SAMD12: variants seen among roughly 807,000 people sequenced by gnomAD.
The protein encoded by SAMD12 is sterile alpha motif domain-containing protein 12.
Under a neutral mutation model 15.0 loss-of-function variants are expected in SAMD12, and 9 were observed. The ratio of observed to expected loss-of-function variants is 0.60; its 90% CI spans 0.36 to 1.05. SAMD12 has a LOEUF of 1.05. Among genes scored for constraint, SAMD12 ranks in the 50% least tolerant of loss-of-function variants. SAMD12 has a pLI of 0.01. For missense variants in SAMD12, 230 were observed against 234.2 expected (o/e 0.98, Z 0.12); for synonymous variants, 86 against 90.1 (o/e 0.96, Z 0.25).
chr8:118,389,933 T>A (rs973475572), intron 3 of SAMD12, among the ~76,000 whole-genome samples: 1 of 152,138 alleles, frequency 6.6e-6, no homozygotes, highest in African/African-American at 2.4e-5. Flanking sequence ...CCAAACAAAT[T>A]ACGTATATAT....
At chr8:118,160,476 C>T in the SAMD12 span, among the ~76,000 whole-genome samples, 2 of 152,116 alleles carry the variant, frequency 1.3e-5, no homozygotes, top group Admixed American at 6.5e-5. Context: ...CAGTGTCATA[C>T]TTAGGTTAAT....
chr8:118,211,618 C>G (rs112202413), intron 4 of SAMD12, among the ~76,000 whole-genome samples: 82 of 152,276 alleles, frequency 5.4e-4, no homozygotes, highest in African/African-American at 1.9e-3. Flanking sequence ...TAAATTATTC[C>G]CATTTCAGAG....
rs1309801786 is a variant in SAMD12 at position 118,550,693 on chromosome 8, G to A, written c.192+30022C>T. The stretch of plus-strand genomic sequence containing the variant: ...ACACATAACAATATTAACTTTAAAT[G>A]TAAATGGACTAAATGCTCCAATTAA... On this transcript the variant is annotated intron_variant, in intron 2 of 3. Coordinates refer to ENST00000314727, the MANE Select transcript of SAMD12 (RefSeq NM_207506.3). Among the ~76,000 whole-genome samples the A allele has an allele frequency of 4.6e-5, 7 of 151,864 alleles. No homozygotes were observed. In the South Asian group the frequency reaches 6.3e-4, roughly 14 times the overall value.
At chr8:118,587,654 T>A (rs1385151367) in intron 1 of SAMD12, among the ~76,000 whole-genome samples, 1 of 152,204 alleles carries the variant, frequency 6.6e-6, no homozygotes, top group South Asian at 2.1e-4. Flanking sequence ...TATCTAGAAC[T>A]GCTACAGTAC....
At chr8:118,198,546 G>A (rs1423430807) in intron 4 of SAMD12, among the ~76,000 whole-genome samples, 2 of 152,132 alleles carry the variant, frequency 1.3e-5, no homozygotes, top group Non-Finnish European at 2.9e-5. Context: ...GAGAAGCACA[G>A]CAGGTATTCT....
chr8:118,418,525 T>A (rs982169960), intron 3 of SAMD12, among the ~76,000 whole-genome samples: 2 of 151,942 alleles, frequency 1.3e-5, no homozygotes, highest in Admixed American at 1.3e-4. Context: ...ACCATGCTAG[T>A]CTAACTCGGT....
chr8:118,344,379 A>T (rs1817524420), intron 4 of SAMD12, among the ~76,000 whole-genome samples: 1 of 152,226 alleles, frequency 6.6e-6, no homozygotes, highest in Non-Finnish European at 1.5e-5. Context: ...TCCTTATGTG[A>T]TTAGTATATG....
chr8:118,559,346 G>A (rs1826642860), intron 2 of SAMD12, among the ~76,000 whole-genome samples: 1 of 152,138 alleles, frequency 6.6e-6, no homozygotes, highest in Non-Finnish European at 1.5e-5. Flanking sequence ...TGCAGGGATG[G>A]CAGTTCCAAC....
intron 4 of SAMD12, among the ~76,000 whole-genome samples, chr8:118,347,515 AG>A (rs1166194659): frequency 2.0e-5 from 3 of 152,226 alleles, no homozygotes; most frequent in African/African-American, 7.2e-5. Flanking sequence ...ATGTGGGGAA[AG>A]GTGGGAAAAG....
At chr8:118,348,796 G>A (rs527439228) in intron 4 of SAMD12, among the ~76,000 whole-genome samples, 152 of 152,338 alleles carry the variant, frequency 1.0e-3, no homozygotes, top group Non-Finnish European at 1.3e-3. Context: ...GAGACTATAG[G>A]ATGAGCTGGT....
At chr8:118,618,028 G>GTT (rs11308490) in intron 1 of SAMD12, among the ~76,000 whole-genome samples, 17 of 145,518 alleles carry the variant, frequency 1.2e-4, no homozygotes, top group Admixed American at 4.7e-4. Flanking sequence ...CATTGTTTTT[G>GTT]TTTTTTTTTT....
chr8:118,534,311 C>T (rs545682669), intron 2 of SAMD12, among the ~76,000 whole-genome samples: 39 of 152,242 alleles, frequency 2.6e-4, no homozygotes, highest in East Asian at 5.8e-4. Context: ...CAGAGAGATC[C>T]GCTGTTAGTC....
chr8:118,513,917 T>TC (rs1825155337), intron 2 of SAMD12, among the ~76,000 whole-genome samples: 1 of 152,236 alleles, frequency 6.6e-6, no homozygotes, highest in South Asian at 2.1e-4. Context: ...CACTATTCCA[T>TC]CCCAGCCTAT....
At chr8:118,157,691 A>G in the SAMD12 span, among the ~76,000 whole-genome samples, 3 of 152,198 alleles carry the variant, frequency 2.0e-5, no homozygotes, top group African/African-American at 7.2e-5. Context: ...TGTTTTTACA[A>G]TGTTGCAATT....
At chr8:118,549,140 T>G (rs944976319) in intron 2 of SAMD12, among the ~76,000 whole-genome samples, 22 of 152,240 alleles carry the variant, frequency 1.4e-4, no homozygotes, top group African/African-American at 5.3e-4. Context: ...CTCTGCAGAC[T>G]GAAATGTCCC....
In SAMD12 at chr8:118,572,658, C is replaced by T. The variant is rs35173764; in HGVS notation, c.192+8057G>A. On this transcript the variant is annotated intron_variant, in intron 2 of 3. Transcript: ENST00000314727. ...TTTGCCTGCTGCCAAACATGTAAGA[C>T]ATGCCTTGCTCCTCTTTGCCTTCCA... Among the ~76,000 whole-genome samples the T allele has an allele frequency of 4.6e-4, 70 of 152,284 alleles. No homozygotes were observed. The East Asian group carries it at 0.012, about 27-fold the overall frequency.
At chr8:118,451,686 G>T (rs1823088317) in intron 2 of SAMD12, among the ~76,000 whole-genome samples, 1 of 152,174 alleles carries the variant, frequency 6.6e-6, no homozygotes, top group Admixed American at 6.5e-5. Context: ...AAATATTGCT[G>T]CAATTGTATT....
intron 3 of SAMD12, among the ~76,000 whole-genome samples, chr8:118,407,307 C>T (rs1178202910): frequency 1.3e-5 from 2 of 151,158 alleles, no homozygotes; most frequent in Non-Finnish European, 3.0e-5. Context: ...TCCAATTTCT[C>T]CACATCCTTG....
At chr8:118,293,723 G>A (rs1405159550) in intron 4 of SAMD12, among the ~76,000 whole-genome samples, 2 of 152,144 alleles carry the variant, frequency 1.3e-5, no homozygotes, top group African/African-American at 4.8e-5. Context: ...GCAGGTCATA[G>A]TTCTCAAAGT....
Sources: allele counts gnomAD v4.1 joint callset (sites outside exome capture counted in the v4.1 genomes callset), GRCh38; gene constraint gnomAD v4.1.1; transcripts MANE v1.5; gene names NCBI Gene and HGNC (gene_info 2026-07-23, HGNC 2026-07-21).